The following SLC60A2 variants were observed in gnomAD, a reference collection of about 807,000 sequenced individuals.
SLC60A2 encodes the protein major facilitator superfamily domain containing 4B.
chr6:111,273,503 T>G, the SLC60A2 span, among the ~76,000 whole-genome samples: 1 of 118,816 alleles, frequency 8.4e-6, no homozygotes, highest in African/African-American at 2.5e-5. Flanking sequence ...TGTGTTTTTT[T>G]TTTTTTTTTT....
At chr6:111,259,653 T>C in the SLC60A2 span, 1 of 1,567,790 alleles carries the variant, frequency 6.4e-7, no homozygotes, top group Admixed American at 1.8e-5. Flanking sequence ...GGTGGTCTCC[T>C]GGCAGAGCGG....
At chr6:111,278,159 G>GT in the SLC60A2 span, 1 of 152,178 alleles carries the variant, frequency 6.6e-6, no homozygotes, top group African/African-American at 2.4e-5. Flanking sequence ...AATAAAAAAC[G>GT]TAAGTATTTG....
At chr6:111,259,656 C>T in the SLC60A2 span, 2 of 1,571,970 alleles carry the variant, frequency 1.3e-6, no homozygotes, top group Admixed American at 1.8e-5. Context: ...GGTCTCCTGG[C>T]AGAGCGGTGG....
chr6:111,277,636 G>A, the SLC60A2 span, among the ~76,000 whole-genome samples: 9 of 152,122 alleles, frequency 5.9e-5, no homozygotes, highest in Admixed American at 2.0e-4. Flanking sequence ...TTCTATCAGC[G>A]GAAGAGCCAG....
chr6:111,260,277 G>A, the SLC60A2 span, among the ~76,000 whole-genome samples: 1 of 152,164 alleles, frequency 6.6e-6, no homozygotes, highest in Admixed American at 6.5e-5. Context: ...CAGGTCTTTG[G>A]CCGCTGCTCT....
At chr6:111,279,655 T>A in the SLC60A2 span, among the ~76,000 whole-genome samples, 6 of 152,296 alleles carry the variant, frequency 3.9e-5, no homozygotes, top group South Asian at 1.2e-3. Context: ...TTGAAGTCCT[T>A]CCTAAAACAA....
the SLC60A2 span, among the ~76,000 whole-genome samples, chr6:111,279,603 C>T: frequency 2.0e-5 from 3 of 151,786 alleles, no homozygotes; most frequent in East Asian, 5.8e-4. Flanking sequence ...TTTCTATTCA[C>T]TCCACTGCTG....
chr6:111,273,549 T>A, the SLC60A2 span, among the ~76,000 whole-genome samples: 1 of 151,490 alleles, frequency 6.6e-6, no homozygotes, highest in Non-Finnish European at 1.5e-5. Flanking sequence ...AATGTGCTGA[T>A]GAGAAGAATG....
the SLC60A2 span, among the ~76,000 whole-genome samples, chr6:111,264,547 G>C: frequency 2.6e-5 from 4 of 152,102 alleles, no homozygotes; most frequent in Non-Finnish European, 4.4e-5. Flanking sequence ...CCAGCACTTT[G>C]GGAGGCCGAG....
the SLC60A2 span, among the ~76,000 whole-genome samples, chr6:111,273,505 T>TG: frequency 1.2e-4 from 14 of 112,884 alleles, no homozygotes; most frequent in South Asian, 3.4e-4. Flanking sequence ...TGTTTTTTTT[T>TG]TTTTTTTTGT....
the SLC60A2 span, among the ~76,000 whole-genome samples, chr6:111,263,497 G>A: frequency 6.6e-6 from 1 of 151,970 alleles, no homozygotes; most frequent in Non-Finnish European, 1.5e-5. Context: ...TTTGCCTCAT[G>A]TCTAAAAATT....
chr6:111,262,161 C>T, the SLC60A2 span: 1 of 978,130 alleles, frequency 1.0e-6, no homozygotes, highest in African/African-American at 1.7e-5. Context: ...CCCAGACCCT[C>T]CGCCCCCCTT....
At chr6:111,273,887 A>G in the SLC60A2 span, among the ~76,000 whole-genome samples, 1 of 151,940 alleles carries the variant, frequency 6.6e-6, no homozygotes, top group Non-Finnish European at 1.5e-5. Context: ...CACCATGGCT[A>G]ATTTGTTATT....
chr6:111,265,398 A>AGG, the SLC60A2 span: 1 of 985,286 alleles, frequency 1.0e-6, no homozygotes, highest in Non-Finnish European at 1.2e-6. Flanking sequence ...CTGGCTATTC[A>AGG]GGTTCCTGGA....
At chr6:111,276,419 T>C in the SLC60A2 span, among the ~76,000 whole-genome samples, 100 of 152,358 alleles carry the variant, frequency 6.6e-4, no homozygotes, top group Middle Eastern at 6.8e-3. Context: ...AATAAACACA[T>C]ACTTTTAAGG....
the SLC60A2 span, among the ~76,000 whole-genome samples, chr6:111,274,889 C>T: frequency 3.3e-5 from 5 of 152,212 alleles, no homozygotes; most frequent in South Asian, 1.0e-3. Context: ...AAGATTGGTT[C>T]TTACACTGTG....
the SLC60A2 span, among the ~76,000 whole-genome samples, chr6:111,261,623 T>G: frequency 1.3e-5 from 2 of 152,268 alleles, no homozygotes; most frequent in Non-Finnish European, 2.9e-5. Context: ...AGACAGAGTC[T>G]CGCTCTGTCG....
At chr6:111,268,308 A>T in the SLC60A2 span, 1 of 152,136 alleles carries the variant, frequency 6.6e-6, no homozygotes, top group Non-Finnish European at 1.5e-5. Flanking sequence ...TTTTACCCCC[A>T]TACTGTTAAC....
At chr6:111,278,506 A>T in the SLC60A2 span, 1 of 151,992 alleles carries the variant, frequency 6.6e-6, no homozygotes, top group East Asian at 1.9e-4. Context: ...TGTTGGAGGG[A>T]CCTGGTGGGA....
Sources: gnomAD v4.1 joint callset for allele counts (sites outside exome capture counted in the v4.1 genomes callset) on GRCh38, gnomAD v4.1.1 for gene constraint, MANE v1.5 for transcripts, NCBI Gene and HGNC (gene_info 2026-07-23, HGNC 2026-07-21) for gene names.